SVEP1: variants seen among roughly 807,000 people sequenced by gnomAD.
SVEP1 encodes the protein sushi, von Willebrand factor type A, EGF and pentraxin domain-containing protein 1.
SVEP1 carries 164 observed loss-of-function variants against 367.3 expected under a neutral mutation model. The ratio of observed to expected loss-of-function variants is 0.45; its 90% CI spans 0.39 to 0.51. The LOEUF (loss-of-function observed/expected upper bound fraction) is 0.51, where lower values mean the gene tolerates loss of function less well. Ranked by LOEUF, SVEP1 falls within the 20% of genes least tolerant of loss-of-function variation. The pLI is 0.00. For missense variants in SVEP1, 4,117 were observed against 4,425.3 expected, an observed-to-expected ratio of 0.93 and a Z score of 1.98; for synonymous variants, 1,666 against 1,611.6, an observed-to-expected ratio of 1.03 and a Z score of -0.81.
intron 46 of SVEP1, among the ~76,000 whole-genome samples, chr9:110,371,745 T>A (rs185803259): frequency 9.2e-5 from 14 of 152,330 alleles, no homozygotes; most frequent in Non-Finnish European, 1.5e-4. Context: ...TCACAATAGA[T>A]CTGTAACCAA....
At chr9:110,481,775 C>A (rs76227168) in intron 11 of SVEP1, among the ~76,000 whole-genome samples, 4,268 of 152,146 alleles carry the variant, frequency 0.028, 189 homozygotes, top group African/African-American at 0.098. Context: ...TGCAGTGGTG[C>A]TATCTCGACT....
chr9:110,571,375 T>G (rs1830560505), intron 1 of SVEP1, among the ~76,000 whole-genome samples: 2 of 152,182 alleles, frequency 1.3e-5, no homozygotes, highest in Admixed American at 1.3e-4. Flanking sequence ...GGAAGTACTG[T>G]GTGGACTGCC....
chr9:110,375,489 A>AAAAAC, intron 45 of SVEP1, 26 bp from the exon 46 acceptor site: 1 of 1,362,664 alleles, frequency 7.3e-7, no homozygotes, highest in Non-Finnish European at 1.0e-6. Context: ...AAAAAAAAAA[A>AAAAAC]AGGAGGCAGG....
At chr9:110,404,069 GTTAAT>G (rs896201733) in intron 39 of SVEP1, among the ~76,000 whole-genome samples, 9 of 152,026 alleles carry the variant, frequency 5.9e-5, no homozygotes, top group African/African-American at 2.2e-4. Context: ...AAGATTTGTG[GTTAAT>G]TTGTTATAAA....
intron 43 of SVEP1, among the ~76,000 whole-genome samples, chr9:110,384,938 C>T (rs1453838513): frequency 1.3e-5 from 2 of 152,166 alleles, no homozygotes; most frequent in East Asian, 3.8e-4. Context: ...GCTTGGACAA[C>T]AAATGAGCCT....
intron 22 of SVEP1, among the ~76,000 whole-genome samples, chr9:110,453,321 T>G (rs1718162577): frequency 6.6e-6 from 1 of 152,064 alleles, no homozygotes; most frequent in Non-Finnish European, 1.5e-5. Context: ...CTAGTCTATT[T>G]TATTAGAATA....
rs181815693 is a variant in SVEP1 at position 110,446,094 on chromosome 9, G to A, written c.4262-56C>T. ...TGGCACTTGAAAGACATTTCCAATT[G>A]TCAGAGGAAGCAGTGCTATTGTCAA... On this transcript the variant is annotated intron_variant, in intron 25 of 47. Transcript: ENST00000374469. The A allele has an allele frequency of 2.6e-5, 39 of 1,492,470 alleles. No homozygotes were observed. In the Admixed American group the frequency reaches 4.0e-4, roughly 15 times the overall value. The allele number at this position is 1,492,470 out of a possible 1,614,324, so 92.5% of individuals were successfully genotyped here.
intron 33 of SVEP1, 109 bp from the exon 34 acceptor site, chr9:110,430,113 T>C (rs1828328055): frequency 7.9e-7 from 1 of 1,267,906 alleles, no homozygotes; most frequent in East Asian, 2.5e-5. Context: ...TTTTCTTTTT[T>C]TTTTTTTTTG....
intron 40 of SVEP1, among the ~76,000 whole-genome samples, chr9:110,391,427 C>A (rs1225870764): frequency 6.6e-6 from 1 of 151,974 alleles, no homozygotes; most frequent in African/African-American, 2.4e-5. Flanking sequence ...CCTGCCACCA[C>A]ACCCCGCTAA....
intron 22 of SVEP1, among the ~76,000 whole-genome samples, chr9:110,453,042 G>A (rs1365380328): frequency 1.3e-5 from 2 of 152,146 alleles, no homozygotes; most frequent in African/African-American, 2.4e-5. Flanking sequence ...ACTACTGTAA[G>A]TTATGTTAAA....
intron 13 of SVEP1, among the ~76,000 whole-genome samples, chr9:110,476,859 T>G (rs1009905467): frequency 6.6e-6 from 1 of 152,152 alleles, no homozygotes; most frequent in Non-Finnish European, 1.5e-5. Flanking sequence ...TCCTTCTCAC[T>G]CTTCGTTGCT....
In SVEP1 at chr9:110,408,116, G is replaced by C. The variant is rs1290631093; in HGVS notation, c.7484C>G (p.Ala2495Gly). The C allele has an allele frequency of 3.7e-6, 6 of 1,613,766 alleles. No homozygotes were observed. Among genetic ancestry groups the C allele is most frequent in the Non-Finnish European group, 5.1e-6 (6 of 1,179,812 alleles). ...CTCCTTGGGTTTCAGGCACTCAATGGCTTTACATGTTGGTTTTCCTCCAAG... is the reference window on the plus strand; with the variant it reads ...CTCCTTGGGTTTCAGGCACTCAATGCCTTTACATGTTGGTTTTCCTCCAAG... ...HWLGGKPTCK[A>G]IECLKPKEIL... The change falls in exon 38 of 48, where the codon GCC becomes GGC. Residue 2495 changes from alanine (A) to glycine (G), a missense_variant. By Grantham distance (60) the Ala-to-Gly change is moderately conservative. Around this residue, in one of 4 missense-constraint regions of SVEP1, gnomAD observed 1,765 missense variants for 1,781.1 expected, o/e 0.99. Coordinates refer to ENST00000374469, the MANE Select transcript of SVEP1 (RefSeq NM_153366.4).
chr9:110,541,335 G>A (rs574798753), intron 3 of SVEP1, among the ~76,000 whole-genome samples: 7 of 152,070 alleles, frequency 4.6e-5, no homozygotes, highest in African/African-American at 1.7e-4. Flanking sequence ...ACATTCAATG[G>A]CACATTATTC....
At chr9:110,431,642 C>A (rs1187561430) in intron 32 of SVEP1, among the ~76,000 whole-genome samples, 1 of 152,062 alleles carries the variant, frequency 6.6e-6, no homozygotes, top group Non-Finnish European at 1.5e-5. Context: ...CTCTATTATT[C>A]TTGTACTATG....
intron 40 of SVEP1, among the ~76,000 whole-genome samples, chr9:110,395,624 C>G (rs1827746157): frequency 6.6e-6 from 1 of 151,980 alleles, no homozygotes; most frequent in East Asian, 1.9e-4. Context: ...CGTGCAGAGA[C>G]ACACATAGGC....
At chr9:110,489,949 T>C (rs1476459447) in intron 8 of SVEP1, among the ~76,000 whole-genome samples, 170 bp from the exon 9 acceptor site, 1 of 152,226 alleles carries the variant, frequency 6.6e-6, no homozygotes, top group Non-Finnish European at 1.5e-5. Context: ...ATTTACATGA[T>C]TTATAGAATT....
At position 110,379,481 on chromosome 9, in the gene SVEP1, G is replaced by C. The variant is rs778255816; in HGVS notation, c.10274C>G (p.Ala3425Gly). ...SCGPPAHVEN[A>G]IARGVHYQYG... ...TTGATAATGTACGCCTCGAGCAATT[G>C]CATTTTCTACGTGAGCTGGTGGACC... Residue 3425 changes from alanine to glycine, a missense_variant, in exon 44 of 48, where the codon GCA becomes GGA. By Grantham distance (60) the Ala-to-Gly change is moderately conservative. Coordinates refer to ENST00000374469, the MANE Select transcript of SVEP1 (RefSeq NM_153366.4). The C allele has an allele frequency of 3.7e-6, 6 of 1,613,686 alleles. No homozygotes were observed. The highest frequency in any genetic ancestry group is 4.2e-6 in the Non-Finnish European group (5 of 1,179,750).
At chr9:110,557,774 C>T (rs1437979793) in intron 1 of SVEP1, among the ~76,000 whole-genome samples, 1 of 152,022 alleles carries the variant, frequency 6.6e-6, no homozygotes, top group Non-Finnish European at 1.5e-5. Context: ...ATTATTAAAG[C>T]AAGCTGATAA....
chr9:110,440,618 A>G (rs2118583225), intron 27 of SVEP1, among the ~76,000 whole-genome samples: 1 of 152,372 alleles, frequency 6.6e-6, no homozygotes, highest in African/African-American at 2.4e-5. Context: ...GAAAAAGCTC[A>G]GTGAGAAAGG....
Sources: allele counts gnomAD v4.1 joint callset (sites outside exome capture counted in the v4.1 genomes callset), GRCh38; gene constraint gnomAD v4.1.1; regional missense constraint gnomAD v4.1.1; transcripts MANE v1.5; gene names NCBI Gene and HGNC (gene_info 2026-07-23, HGNC 2026-07-21).